GPAT3: variants seen among roughly 807,000 people sequenced by gnomAD.
GPAT3 encodes the protein 1-AGP acyltransferase 9.
Under a neutral mutation model 58.8 loss-of-function variants are expected in GPAT3, and 53 were observed. The ratio of observed to expected loss-of-function variants is 0.90; its 90% CI spans 0.72 to 1.13. The LOEUF (loss-of-function observed/expected upper bound fraction) is 1.13. GPAT3 is among the 50% of genes most tolerant of loss of function. The probability of loss-of-function intolerance (pLI) is 0.00; values close to 1 mark genes in which losing one functional copy is unlikely to be tolerated. For missense variants in GPAT3, 511 were observed against 527.6 expected (o/e 0.97, Z 0.31); for synonymous variants, 197 against 187.4 (o/e 1.05, Z -0.42).
chr4:83,562,795 T>TATAGATAG (rs59104462), intron 2 of GPAT3, among the ~76,000 whole-genome samples: 23,515 of 150,552 alleles, frequency 0.16, 2,099 homozygotes, highest in South Asian at 0.26. Flanking sequence ...TAGAAAGAGA[T>TATAGATAG]ATAGATAGAT....
intron 2 of GPAT3, among the ~76,000 whole-genome samples, chr4:83,564,405 T>G (rs1424283035): frequency 1.3e-5 from 2 of 152,150 alleles, no homozygotes; most frequent in Non-Finnish European, 2.9e-5. Flanking sequence ...TCTCATGTAT[T>G]AAAATGATTA....
chr4:83,597,601 A>G, intron 9 of GPAT3, 86 bp downstream of exon 9: 1 of 1,045,256 alleles, frequency 9.6e-7, no homozygotes, highest in East Asian at 2.9e-5. Flanking sequence ...CAAACTTAAA[A>G]TTTGCAAGAA....
At chr4:83,539,428 GT>G (rs952298986) in intron 1 of GPAT3, among the ~76,000 whole-genome samples, 98 of 152,254 alleles carry the variant, frequency 6.4e-4, no homozygotes, top group African/African-American at 2.3e-3. Context: ...AGATCATTTA[GT>G]TTTGTCTATT....
intron 11 of GPAT3, among the ~76,000 whole-genome samples, chr4:83,603,790 C>CAAAAAA (rs58399873): frequency 3.3e-5 from 4 of 120,660 alleles, no homozygotes; most frequent in African/African-American, 1.4e-4. Flanking sequence ...AACTCTGTCT[C>CAAAAAA]AAAAAAAAAA....
In GPAT3 at chr4:83,536,169, G is replaced by T. The variant is rs1724072635; in HGVS notation, c.-454G>T. On this transcript the variant is annotated 5_prime_UTR_variant, in exon 1 of 12. Coordinates refer to ENST00000264409, the MANE Select transcript of GPAT3 (RefSeq NM_032717.5). Reference sequence around the variant, plus strand: ...GCCGGCGACCGGTGTGCCAAAGTGCGGTGCTCCCGCAGGGAACCTGGCTCG... The same window carrying T: ...GCCGGCGACCGGTGTGCCAAAGTGCTGTGCTCCCGCAGGGAACCTGGCTCG... 3.0e-6 allele frequency: 3 copies of T among 986,166 alleles called. No individual in the cohort carries two copies. The highest frequency in any genetic ancestry group is 4.7e-5 in the South Asian group (1 of 21,386). The allele number at this position is 986,166 out of a possible 1,614,324, so 61.1% of individuals were successfully genotyped here. A position where few individuals can be genotyped will look rare whatever the true frequency, so the allele number is the denominator to read the frequency against.
chr4:83,554,519 A>G (rs929661149), intron 2 of GPAT3, among the ~76,000 whole-genome samples: 2 of 152,052 alleles, frequency 1.3e-5, no homozygotes, highest in African/African-American at 4.8e-5. Context: ...AATCATAATC[A>G]CCACCATTTT....
intron 2 of GPAT3, among the ~76,000 whole-genome samples, chr4:83,554,978 A>G (rs902734573): frequency 6.6e-6 from 1 of 151,592 alleles, no homozygotes; most frequent in Non-Finnish European, 1.5e-5. Flanking sequence ...TAATTTTTAT[A>G]TTTTTAGTAG....
intron 11 of GPAT3, among the ~76,000 whole-genome samples, chr4:83,599,341 A>T (rs371328417): frequency 6.6e-6 from 1 of 152,156 alleles, no homozygotes; most frequent in Non-Finnish European, 1.5e-5. Flanking sequence ...GCAAATGGCT[A>T]TGAGGAAGGA....
At chr4:83,543,439 A>G (rs537086022) in intron 1 of GPAT3, among the ~76,000 whole-genome samples, 5 of 152,200 alleles carry the variant, frequency 3.3e-5, no homozygotes, top group Non-Finnish European at 4.4e-5. Context: ...AAAAATGTAT[A>G]AAGAAAAAAA....
chr4:83,558,452 C>A (rs1369101310), intron 2 of GPAT3, among the ~76,000 whole-genome samples: 1 of 152,156 alleles, frequency 6.6e-6, no homozygotes, highest in Admixed American at 6.5e-5. Flanking sequence ...CCAGCACATT[C>A]AACCACACAG....
intron 1 of GPAT3, among the ~76,000 whole-genome samples, chr4:83,538,088 G>A: frequency 6.6e-6 from 1 of 152,128 alleles, no homozygotes; most frequent in East Asian, 1.9e-4. Flanking sequence ...TAATAAGTTT[G>A]GTTCCCATTT....
At chr4:83,594,816 G>T in intron 6 of GPAT3, 29 bp from the exon 7 acceptor site, 1 of 1,597,854 alleles carries the variant, frequency 6.3e-7, no homozygotes, top group Non-Finnish European at 8.6e-7. Flanking sequence ...TGCCTTTTAC[G>T]TTTTTTCCTT....
At position 83,536,417 on chromosome 4, in the gene GPAT3, T is replaced by C. The variant is rs1184984167; in HGVS notation, c.-206T>C. The C allele has an allele frequency of 2.9e-6, 4 of 1,365,446 alleles. No individual in the cohort carries two copies. Among genetic ancestry groups the C allele is most frequent in the Non-Finnish European group, 1.9e-6 (2 of 1,060,402 alleles). 84.6% of individuals were successfully genotyped at this position (1,365,446 alleles called of 1,614,324 possible). On this transcript the variant is annotated 5_prime_UTR_variant, in exon 1 of 12. Coordinates refer to ENST00000264409, the MANE Select transcript of GPAT3 (RefSeq NM_032717.5). ...GGCAGCCAGCGGAGAAAGAGTTAAC[T>C]GGCAGGGGCGAGGAGGAGCCCAGGG...
chr4:83,598,712 T>C lies in GPAT3; in HGVS notation c.1194T>C (p.Thr398=). 4 of 1,519,082 alleles carry C rather than the reference T, an allele frequency of 2.6e-6. No homozygotes were observed. Among genetic ancestry groups the C allele is most frequent in the Non-Finnish European group, 3.6e-6 (4 of 1,124,450 alleles). The allele number at this position is 1,519,082 out of a possible 1,614,324, so 94.1% of individuals were successfully genotyped here. The part of the protein sequence containing the change: ...KSAIAIQGGL[T]ELPWDGGLKR... ...CTATTGCTATACAAGGAGGCCTGAC[T>C]GAACTTCCCTGGTAAGAGAACTTTC... The change falls in exon 11 of 12, where the codon ACT becomes ACC. Residue 398 remains threonine, a synonymous_variant. Transcript: ENST00000264409.
chr4:83,591,236 G>A (rs1458640), intron 6 of GPAT3, among the ~76,000 whole-genome samples: 79,901 of 151,886 alleles, frequency 0.53, 22,075 homozygotes, highest in Middle Eastern at 0.73. Context: ...AAGGTGGAGA[G>A]TATTGGCACA....
chr4:83,548,232 C>T (rs1724618814), intron 2 of GPAT3, among the ~76,000 whole-genome samples: 1 of 152,092 alleles, frequency 6.6e-6, no homozygotes, highest in Admixed American at 6.5e-5. Flanking sequence ...GTTGCTCCAG[C>T]CATAGGACAA....
chr4:83,547,965 T>C (rs1724609170), intron 2 of GPAT3, among the ~76,000 whole-genome samples: 1 of 151,298 alleles, frequency 6.6e-6, no homozygotes, highest in Non-Finnish European at 1.5e-5. Flanking sequence ...CCATAAGCCA[T>C]AGTGCCGGGC....
At chr4:83,537,746 C>T (rs144520394) in intron 1 of GPAT3, among the ~76,000 whole-genome samples, 1,611 of 151,868 alleles carry the variant, frequency 0.011, 30 homozygotes, top group African/African-American at 0.037. Context: ...GTGAGCCCCA[C>T]GCCTGGCCAG....
At chr4:83,563,255 T>C (rs779518416) in intron 2 of GPAT3, among the ~76,000 whole-genome samples, 2 of 152,162 alleles carry the variant, frequency 1.3e-5, no homozygotes, top group Non-Finnish European at 2.9e-5. Flanking sequence ...TACTCATCGT[T>C]TTAAAAACGT....
Sources: allele counts gnomAD v4.1 joint callset (sites outside exome capture counted in the v4.1 genomes callset), GRCh38; gene constraint gnomAD v4.1.1; transcripts MANE v1.5; gene names NCBI Gene and HGNC (gene_info 2026-07-23, HGNC 2026-07-21).